The following NXPE2 variants were observed in gnomAD, a reference collection of about 807,000 sequenced individuals.
NXPE2 encodes NXPE family member 2.
A neutral mutation model predicts 34.4 loss-of-function variants in NXPE2; 34 were observed. The observed-to-expected ratio is 0.99, with a 90% CI of 0.75 to 1.31. NXPE2 has a LOEUF of 1.31. Among genes scored for constraint, NXPE2 ranks in the 40% most tolerant of loss-of-function variants. The pLI is 0.00. For synonymous variants in NXPE2, 235 were observed against 231.3 expected (o/e 1.02, Z -0.15); for missense variants, 649 against 672.5 (o/e 0.97, Z 0.39).
At chr11:114,486,600 A>G in the NXPE2 span, among the ~76,000 whole-genome samples, 2 of 151,998 alleles carry the variant, frequency 1.3e-5, no homozygotes, top group African/African-American at 4.8e-5. Context: ...AGTTTCCCCA[A>G]TGTTTTCTTC....
At chr11:114,562,022 C>G in the NXPE2 span, among the ~76,000 whole-genome samples, 1 of 152,184 alleles carries the variant, frequency 6.6e-6, no homozygotes, top group East Asian at 1.9e-4. Flanking sequence ...GCAATATCCT[C>G]TCACATCAGT....
At chr11:114,649,285 A>C in the NXPE2 span, among the ~76,000 whole-genome samples, 3 of 152,298 alleles carry the variant, frequency 2.0e-5, no homozygotes, top group East Asian at 5.8e-4. Context: ...TTGCACATAC[A>C]TGTTCTTAGA....
At chr11:114,788,218 C>T in the NXPE2 span, among the ~76,000 whole-genome samples, 4 of 152,164 alleles carry the variant, frequency 2.6e-5, no homozygotes, top group Non-Finnish European at 5.9e-5. Context: ...AGAAGAAGGA[C>T]AAAGAAACAG....
At chr11:114,507,849 C>G in the NXPE2 span, among the ~76,000 whole-genome samples, 1 of 152,122 alleles carries the variant, frequency 6.6e-6, no homozygotes, top group Non-Finnish European at 1.5e-5. Flanking sequence ...AGGATGCCCT[C>G]TCTCGCCACT....
chr11:114,801,568 C>T, the NXPE2 span, among the ~76,000 whole-genome samples: 3 of 152,084 alleles, frequency 2.0e-5, no homozygotes, highest in African/African-American at 7.2e-5. Flanking sequence ...AAAGAGTGCC[C>T]TATGTGCTGC....
At chr11:114,668,661 T>C in the NXPE2 span, among the ~76,000 whole-genome samples, 3 of 151,998 alleles carry the variant, frequency 2.0e-5, no homozygotes, top group Admixed American at 2.0e-4. Flanking sequence ...ACTAGGAAGA[T>C]AAATGGGAGT....
At chr11:114,494,280 T>C in the NXPE2 span, among the ~76,000 whole-genome samples, 1 of 152,222 alleles carries the variant, frequency 6.6e-6, no homozygotes, top group Non-Finnish European at 1.5e-5. Flanking sequence ...TCTCTTTGAA[T>C]AAACTTTCTA....
the NXPE2 span, chr11:114,571,142 G>C: frequency 1.2e-6 from 2 of 1,613,858 alleles, no homozygotes; most frequent in Non-Finnish European, 1.7e-6. Context: ...ACATCTCCCT[G>C]ATGTTTTCTG....
At chr11:114,735,915 G>A in the NXPE2 span, among the ~76,000 whole-genome samples, 8 of 152,086 alleles carry the variant, frequency 5.3e-5, no homozygotes, top group South Asian at 1.0e-3. Flanking sequence ...CTAAGCGTCC[G>A]CCGGTTTGAG....
chr11:114,566,768 A>C, the NXPE2 span, among the ~76,000 whole-genome samples: 1 of 152,162 alleles, frequency 6.6e-6, no homozygotes, highest in African/African-American at 2.4e-5. Flanking sequence ...TTTACATTCT[A>C]TATACCCACA....
At chr11:114,806,254 G>C in the NXPE2 span, among the ~76,000 whole-genome samples, 1 of 152,176 alleles carries the variant, frequency 6.6e-6, no homozygotes, top group African/African-American at 2.4e-5. Context: ...AAAAAACAGA[G>C]CAGAAAAACT....
At chr11:114,722,605 C>T in the NXPE2 span, among the ~76,000 whole-genome samples, 1 of 152,086 alleles carries the variant, frequency 6.6e-6, no homozygotes, top group Non-Finnish European at 1.5e-5. Flanking sequence ...CAAGCCAAGA[C>T]CCTAAGATAT....
chr11:114,782,283 C>A, the NXPE2 span, among the ~76,000 whole-genome samples: 1 of 152,116 alleles, frequency 6.6e-6, no homozygotes, highest in African/African-American at 2.4e-5. Context: ...GGCAGCTAGG[C>A]CCAAGGCCTG....
the NXPE2 span, among the ~76,000 whole-genome samples, chr11:114,559,610 GTT>G: frequency 0.01 from 1,516 of 146,486 alleles, 33 homozygotes; most frequent in African/African-American, 0.036. Flanking sequence ...CTCACTATCA[GTT>G]TTTTTTTTTG....
intron 2 of NXPE2, among the ~76,000 whole-genome samples, chr11:114,691,570 C>T (rs1215502272): frequency 7.2e-6 from 1 of 139,484 alleles, no homozygotes. Context: ...GGTGGAGACA[C>T]TGGAGAAGCT....
rs1221020807 is a variant in NXPE2 at position 114,706,964 on chromosome 11, T to C, written c.*34T>C. On this transcript the variant is annotated 3_prime_UTR_variant, in exon 6 of 6. Coordinates refer to ENST00000389586, the MANE Select transcript of NXPE2 (RefSeq NM_182495.6). ...TACAAAAATAGCACTAGCCACTTTC[T>C]ATAGATGATCTCACATATACAGCGA... The C allele has an allele frequency of 2.0e-6, 3 of 1,480,316 alleles. No homozygotes were observed. The highest frequency in any genetic ancestry group is 2.7e-6 in the Non-Finnish European group (3 of 1,100,082). The allele number at this position is 1,480,316 out of a possible 1,614,324, so 91.7% of individuals were successfully genotyped here.
the NXPE2 span, among the ~76,000 whole-genome samples, chr11:114,739,182 A>G: frequency 6.6e-6 from 1 of 152,332 alleles, no homozygotes; most frequent in African/African-American, 2.4e-5. Context: ...TGCCACAGGA[A>G]GACCATTTAC....
chr11:114,687,506 G>C (rs772303965), intron 2 of NXPE2, among the ~76,000 whole-genome samples: 6 of 151,982 alleles, frequency 3.9e-5, no homozygotes, highest in Non-Finnish European at 5.9e-5. Flanking sequence ...TGGTGTTTTG[G>C]TTACTGTAAC....
chr11:114,505,424 T>A, the NXPE2 span, among the ~76,000 whole-genome samples: 1 of 151,950 alleles, frequency 6.6e-6, no homozygotes, highest in African/African-American at 2.4e-5. Context: ...CATATGATCA[T>A]CAGATTCTCC....
Sources: gnomAD v4.1 joint callset for allele counts (sites outside exome capture counted in the v4.1 genomes callset) on GRCh38, gnomAD v4.1.1 for gene constraint, MANE v1.5 for transcripts, NCBI Gene and HGNC (gene_info 2026-07-23, HGNC 2026-07-21) for gene names.